LINGO2: variants seen among roughly 807,000 people sequenced by gnomAD.
LINGO2 encodes leucine-rich repeat and immunoglobulin-like domain-containing nogo receptor-interacting protein 2.
In LINGO2, 14 loss-of-function variants were observed where a neutral mutation model predicts 30.6. That is an observed-to-expected ratio of 0.46 (90% CI 0.30 to 0.72). The LOEUF (loss-of-function observed/expected upper bound fraction) is 0.72, where lower values mean the gene tolerates loss of function less well. Among genes scored for constraint, LINGO2 ranks in the 30% least tolerant of loss-of-function variants. The pLI is 0.07. For synonymous variants in LINGO2, 317 were observed against 288.5 expected (o/e 1.10, Z -1.00); for missense variants, 729 against 751.7 (o/e 0.97, Z 0.35).
At chr9:29,032,388 G>T in the LINGO2 span, among the ~76,000 whole-genome samples, 2 of 152,214 alleles carry the variant, frequency 1.3e-5, no homozygotes, top group Non-Finnish European at 2.9e-5. Flanking sequence ...ATACAGCAAA[G>T]CTCAGCAATC....
intron 1 of LINGO2, among the ~76,000 whole-genome samples, chr9:28,668,247 T>C (rs1211025990): frequency 6.6e-6 from 1 of 152,058 alleles, no homozygotes; most frequent in African/African-American, 2.4e-5. Context: ...TTTTCTTATT[T>C]TAAATGAAAT....
the LINGO2 span, among the ~76,000 whole-genome samples, chr9:28,889,722 C>T: frequency 1.3e-5 from 2 of 152,032 alleles, no homozygotes; most frequent in African/African-American, 4.8e-5. Context: ...TGGCTCCTAA[C>T]ATTGAAACTT....
At chr9:28,843,160 A>G in the LINGO2 span, among the ~76,000 whole-genome samples, 4 of 151,996 alleles carry the variant, frequency 2.6e-5, no homozygotes, top group South Asian at 6.2e-4. Flanking sequence ...ATAACTTAAA[A>G]TAAGACAGCA....
the LINGO2 span, among the ~76,000 whole-genome samples, chr9:29,156,777 C>T: frequency 3.3e-5 from 5 of 152,018 alleles, no homozygotes; most frequent in African/African-American, 1.2e-4. Flanking sequence ...GAAATTCACT[C>T]ATCCATATTT....
chr9:28,031,095 G>A (rs1823647812), intron 4 of LINGO2, among the ~76,000 whole-genome samples: 1 of 152,136 alleles, frequency 6.6e-6, no homozygotes, highest in Non-Finnish European at 1.5e-5. Flanking sequence ...GCTTTATAGT[G>A]TTAGATCAAG....
intron 1 of LINGO2, among the ~76,000 whole-genome samples, chr9:28,534,016 T>C (rs188804110): frequency 1.3e-5 from 2 of 152,324 alleles, no homozygotes; most frequent in East Asian, 3.9e-4. Context: ...CCTTTTCAAC[T>C]TAATAGAAAA....
the LINGO2 span, among the ~76,000 whole-genome samples, chr9:29,004,996 A>G: frequency 6.6e-6 from 1 of 152,078 alleles, no homozygotes; most frequent in African/African-American, 2.4e-5. Context: ...GTACTTAGAA[A>G]GTATCTGCCA....
At chr9:28,311,776 G>C (rs1239636031) in intron 3 of LINGO2, among the ~76,000 whole-genome samples, 1 of 152,056 alleles carries the variant, frequency 6.6e-6, no homozygotes, top group Non-Finnish European at 1.5e-5. Flanking sequence ...ATCATCACAA[G>C]GTCCTGAGGC....
intron 3 of LINGO2, among the ~76,000 whole-genome samples, chr9:28,299,448 A>T (rs940844853): frequency 1.3e-5 from 2 of 150,664 alleles, no homozygotes; most frequent in African/African-American, 2.4e-5. Flanking sequence ...ATTGCTTCTA[A>T]TTTTTTTTTT....
chr9:29,163,434 AAAAC>A, the LINGO2 span, among the ~76,000 whole-genome samples: 4 of 152,180 alleles, frequency 2.6e-5, no homozygotes, highest in African/African-American at 9.7e-5. Context: ...TTGATATAGA[AAAAC>A]AATGAGTAGG....
downstream of LINGO2, among the ~76,000 whole-genome samples, chr9:27,946,519 G>A (rs1563840578): frequency 6.6e-6 from 1 of 152,084 alleles, no homozygotes. Flanking sequence ...AAATCACAAA[G>A]CCCTCTTATT....
the LINGO2 span, among the ~76,000 whole-genome samples, chr9:28,959,612 T>TCACACACACACA: frequency 2.3e-4 from 31 of 132,156 alleles, no homozygotes; most frequent in East Asian, 8.8e-4. Flanking sequence ...TCTCTCTCCC[T>TCACACACACACA]CACACACACA....
chr9:28,509,724 C>A (rs1820293645), intron 1 of LINGO2, among the ~76,000 whole-genome samples: 1 of 152,128 alleles, frequency 6.6e-6, no homozygotes, highest in African/African-American at 2.4e-5. Flanking sequence ...AAAGAGAAGC[C>A]TCACCAGGAA....
At chr9:27,961,016 G>A (rs902283489) in intron 5 of LINGO2, among the ~76,000 whole-genome samples, 21 of 152,232 alleles carry the variant, frequency 1.4e-4, no homozygotes, top group African/African-American at 4.1e-4. Context: ...ACAATGGTGT[G>A]AAAGCAATAT....
At chr9:28,638,826 C>G (rs1274078737) in intron 1 of LINGO2, among the ~76,000 whole-genome samples, 2 of 152,206 alleles carry the variant, frequency 1.3e-5, no homozygotes, top group African/African-American at 2.4e-5. Flanking sequence ...TCCTTCAGTT[C>G]TGCTCTGATC....
chr9:28,586,947 C>A (rs1267284316), intron 1 of LINGO2, among the ~76,000 whole-genome samples: 1 of 151,986 alleles, frequency 6.6e-6, no homozygotes, highest in Non-Finnish European at 1.5e-5. Context: ...AATAGAGATC[C>A]CAATGCAAGA....
At chr9:28,644,371 G>C (rs1827737632) in intron 1 of LINGO2, among the ~76,000 whole-genome samples, 1 of 151,976 alleles carries the variant, frequency 6.6e-6, no homozygotes, top group African/African-American at 2.4e-5. Flanking sequence ...AAAAAAGAAT[G>C]AGATCCTGTC....
At chr9:28,022,272 C>T (rs1009997616) in intron 4 of LINGO2, among the ~76,000 whole-genome samples, 5 of 152,058 alleles carry the variant, frequency 3.3e-5, no homozygotes, top group Non-Finnish European at 7.4e-5. Context: ...CGTGACATTG[C>T]TATCATTCAT....
intron 2 of LINGO2, among the ~76,000 whole-genome samples, chr9:28,457,006 GGA>G (rs1824876051): frequency 6.6e-6 from 1 of 152,128 alleles, no homozygotes; most frequent in Non-Finnish European, 1.5e-5. Flanking sequence ...TACAACCCAT[GGA>G]GAGAGAGTAC....
Sources: gnomAD v4.1 joint callset for allele counts (sites outside exome capture counted in the v4.1 genomes callset) on GRCh38, gnomAD v4.1.1 for gene constraint, MANE v1.5 for transcripts, NCBI Gene and HGNC (gene_info 2026-07-23, HGNC 2026-07-21) for gene names.